The following NPAS3 variants were observed in gnomAD, a reference collection of about 807,000 sequenced individuals.
The protein encoded by NPAS3 is neuronal PAS domain protein 3.
Under a neutral mutation model 73.1 loss-of-function variants are expected in NPAS3, and 14 were observed. The observed-to-expected ratio is 0.19, with a 90% CI of 0.13 to 0.30. The LOEUF (loss-of-function observed/expected upper bound fraction) is 0.30. NPAS3 is among the 10% of genes least tolerant of loss of function. The probability of loss-of-function intolerance (pLI) is 1.00; values close to 1 mark genes in which losing one functional copy is unlikely to be tolerated. For missense variants in NPAS3, 1,096 were observed against 1,250.0 expected, an observed-to-expected ratio of 0.88 and a Z score of 1.86; for synonymous variants, 620 against 541.5, an observed-to-expected ratio of 1.14 and a Z score of -2.01.
intron 1 of NPAS3, among the ~76,000 whole-genome samples, chr14:33,004,817 C>CTTTTTTTTTTTTTTTTTTTTTTTTTTT: frequency 0.017 from 1,090 of 63,638 alleles, 211 homozygotes; most frequent in Non-Finnish European, 0.025. Flanking sequence ...AAAAGTTTTC[C>CTTTTTTTTTTTTTTTTTTTTTTTTTTT]TTTTTTTTTT....
At chr14:33,657,272 C>T (rs555866010) in intron 5 of NPAS3, among the ~76,000 whole-genome samples, 39 of 152,224 alleles carry the variant, frequency 2.6e-4, no homozygotes, top group African/African-American at 9.1e-4. Context: ...ATGATAACAA[C>T]ACAGGGTCCC....
intron 2 of NPAS3, among the ~76,000 whole-genome samples, chr14:33,077,781 T>TTTTTTTTTTTTTTC (rs2041714105): frequency 6.8e-6 from 1 of 147,678 alleles, no homozygotes; most frequent in Non-Finnish European, 1.5e-5. Context: ...AGGGTTTTTT[T>TTTTTTTTTTTTTTC]TTTTTTTTGC....
intron 3 of NPAS3, among the ~76,000 whole-genome samples, chr14:33,357,628 G>A (rs1409879342): frequency 2.6e-5 from 4 of 152,214 alleles, no homozygotes; most frequent in Non-Finnish European, 4.4e-5. Context: ...TAGCGCCCCC[G>A]CGGGCTGGGC....
intron 6 of NPAS3, among the ~76,000 whole-genome samples, chr14:33,725,426 G>T (rs1229978744): frequency 6.6e-6 from 1 of 152,034 alleles, no homozygotes; most frequent in African/African-American, 2.4e-5. Flanking sequence ...ACACATTGGG[G>T]TTACTAGTGA....
chr14:33,616,462 G>A (rs892849548), intron 5 of NPAS3, among the ~76,000 whole-genome samples: 3 of 152,162 alleles, frequency 2.0e-5, no homozygotes, highest in Non-Finnish European at 2.9e-5. Flanking sequence ...GAGAAGGTGA[G>A]ATCACACAAA....
At chr14:33,471,612 T>C (rs966314408) in intron 4 of NPAS3, among the ~76,000 whole-genome samples, 3 of 152,238 alleles carry the variant, frequency 2.0e-5, no homozygotes, top group Admixed American at 2.0e-4. Flanking sequence ...TACCATATTA[T>C]ATAAATGCAA....
intron 2 of NPAS3, among the ~76,000 whole-genome samples, chr14:33,099,702 G>A (rs1335324190): frequency 6.6e-6 from 1 of 152,170 alleles, no homozygotes; most frequent in Non-Finnish European, 1.5e-5. Context: ...GGATAGTTGG[G>A]AGTCTATTGT....
At chr14:32,994,635 T>C (rs1185833975) in intron 1 of NPAS3, among the ~76,000 whole-genome samples, 1 of 126,368 alleles carries the variant, frequency 7.9e-6, no homozygotes, top group Non-Finnish European at 1.6e-5. Context: ...TGTTTGTTTT[T>C]GTTTTTTTTT....
At chr14:33,108,597 AC>A (rs2042794838) in intron 2 of NPAS3, among the ~76,000 whole-genome samples, 1 of 152,218 alleles carries the variant, frequency 6.6e-6, no homozygotes. Flanking sequence ...ATCTGCTGTG[AC>A]AAATCAATAT....
At chr14:33,749,082 A>G (rs2061885596) in intron 7 of NPAS3, among the ~76,000 whole-genome samples, 1 of 151,536 alleles carries the variant, frequency 6.6e-6, no homozygotes, top group Admixed American at 6.6e-5. Context: ...CCTTGTTCTT[A>G]GAGAGACTAT....
chr14:33,543,853 A>G (rs1418652319), intron 4 of NPAS3, among the ~76,000 whole-genome samples: 3 of 151,506 alleles, frequency 2.0e-5, no homozygotes, highest in African/African-American at 7.3e-5. Context: ...ATGGGGTCCA[A>G]GTCAATTGCA....
chr14:32,980,569 ATACTT>A (rs553818132), intron 1 of NPAS3, among the ~76,000 whole-genome samples: 67 of 152,346 alleles, frequency 4.4e-4, no homozygotes, highest in Non-Finnish European at 7.3e-4. Context: ...TAATTAAATT[ATACTT>A]TACTTATGTT....
chr14:33,385,726 T>A (rs554591728), intron 4 of NPAS3, among the ~76,000 whole-genome samples: 1 of 152,280 alleles, frequency 6.6e-6, no homozygotes, highest in African/African-American at 2.4e-5. Flanking sequence ...GACATCCAGA[T>A]GCCAGTGCTT....
At chr14:33,165,528 A>G (rs372786224) in intron 2 of NPAS3, among the ~76,000 whole-genome samples, 5 of 152,210 alleles carry the variant, frequency 3.3e-5, no homozygotes, top group African/African-American at 9.6e-5. Context: ...AACTCAAAGC[A>G]TGCGTAGTGT....
Position 33,290,829 on chromosome 14 carries a change from C to T in NPAS3, c.385+75403C>T, listed in dbSNP as rs1011244917. Among the ~76,000 whole-genome samples the T allele has an allele frequency of 3.3e-5, 5 of 152,186 alleles. No homozygotes were observed. The South Asian group carries it at 6.2e-4, about 19-fold the overall frequency. ...GCTCCAGGCACCAGAGAATAGAACT[C>T]GGCAGCATCTGCATAATCCCTTTGT... On this transcript the variant is annotated intron_variant, in intron 3 of 11. Coordinates refer to ENST00000356141, the Ensembl canonical transcript of NPAS3.
intron 5 of NPAS3, among the ~76,000 whole-genome samples, chr14:33,608,864 A>G (rs1162673343): frequency 6.6e-6 from 1 of 152,206 alleles, no homozygotes; most frequent in Non-Finnish European, 1.5e-5. Context: ...TTTCCAGTGC[A>G]TGCTATATTC....
intron 1 of NPAS3, among the ~76,000 whole-genome samples, chr14:33,001,799 T>C (rs982151967): frequency 6.6e-6 from 1 of 152,218 alleles, no homozygotes; most frequent in African/African-American, 2.4e-5. Flanking sequence ...CATTTTCTTC[T>C]TGCTCCATTC....
Position 33,222,313 on chromosome 14 carries a change from G to A in NPAS3, c.385+6887G>A, listed in dbSNP as rs146973173. 4.0e-3 allele frequency among the ~76,000 whole-genome samples: 602 copies of A among 152,254 alleles called. 6 individuals carry two copies. Among genetic ancestry groups the A allele is most frequent in the African/African-American group, 0.013 (556 of 41,558 alleles). On this transcript the variant is annotated intron_variant, in intron 3 of 11. Coordinates refer to ENST00000356141, the Ensembl canonical transcript of NPAS3. ...GGAAATAGGGGAAGGAGAAAGGAAGGAAAAAGAAGGAGGTCAGAGAGAATA... is the reference window on the plus strand; with the variant it reads ...GGAAATAGGGGAAGGAGAAAGGAAGAAAAAAGAAGGAGGTCAGAGAGAATA...
At chr14:33,549,546 A>G (rs935925277) in intron 4 of NPAS3, among the ~76,000 whole-genome samples, 2 of 152,166 alleles carry the variant, frequency 1.3e-5, no homozygotes, top group Admixed American at 6.5e-5. Context: ...AAACAATCAC[A>G]GTGATTATTT....
Sources: allele counts gnomAD v4.1 joint callset (sites outside exome capture counted in the v4.1 genomes callset), GRCh38; gene constraint gnomAD v4.1.1; transcripts MANE v1.5; gene names NCBI Gene and HGNC (gene_info 2026-07-23, HGNC 2026-07-21).